SHB: variants seen among roughly 807,000 people sequenced by gnomAD.
SHB encodes SH2 domain-containing adapter protein B.
Under a neutral mutation model 52.3 loss-of-function variants are expected in SHB, and 20 were observed. The ratio of observed to expected loss-of-function variants is 0.38; its 90% CI spans 0.27 to 0.56. The LOEUF (loss-of-function observed/expected upper bound fraction) is 0.56. Among genes scored for constraint, SHB ranks in the 20% least tolerant of loss-of-function variants. The probability of loss-of-function intolerance (pLI) is 0.71; values close to 1 mark genes in which losing one functional copy is unlikely to be tolerated. For synonymous variants in SHB, 397 were observed against 316.5 expected (o/e 1.25, Z -2.70); for missense variants, 825 against 723.3 (o/e 1.14, Z -1.61).
chr9:38,016,275 G>T, intron 1 of SHB, 144 bp from the exon 2 acceptor site: 1 of 746,804 alleles, frequency 1.3e-6, no homozygotes, highest in Non-Finnish European at 2.2e-6. Context: ...GACTCAGGGA[G>T]CTCCACATCT....
chr9:38,026,959 G>C (rs991157694), intron 1 of SHB, among the ~76,000 whole-genome samples: 1 of 152,328 alleles, frequency 6.6e-6, no homozygotes, highest in East Asian at 1.9e-4. Flanking sequence ...GTCCCCAGGG[G>C]AGATGGGCAT....
chr9:38,068,245 G>A lies in SHB; in HGVS notation c.401C>T (p.Ser134Leu), dbSNP rs1163637708. 4 of 1,404,032 alleles carry A rather than the reference G, an allele frequency of 2.8e-6. No homozygotes were observed. Among genetic ancestry groups the A allele is most frequent in the Non-Finnish European group, 2.7e-6 (3 of 1,091,070 alleles). The allele number at this position is 1,404,032 out of a possible 1,614,324, so 87.0% of individuals were successfully genotyped here. Residue 134 changes from serine (S) to leucine (L), a missense_variant, in exon 1 of 6, where the codon TCG becomes TTG. Ser to Leu is a moderately radical substitution (Grantham distance 145). Coordinates refer to ENST00000377707, the MANE Select transcript of SHB (RefSeq NM_003028.3). ...VQRAFSASSASGAAGCCCASS... is the reference protein window; with the variant it reads ...VQRAFSASSALGAAGCCCASS... ...GGCGCAGCAACAGCCCGCGGCGCCCGACGCGGACGAGGCCGAGAAGGCGCG... is the reference window on the plus strand; with the variant it reads ...GGCGCAGCAACAGCCCGCGGCGCCCAACGCGGACGAGGCCGAGAAGGCGCG...
rs146205246 is a variant in SHB at position 37,943,537 on chromosome 9, G to A, written c.1346+5098C>T. On this transcript the variant is annotated intron_variant, in intron 5 of 5. Coordinates refer to ENST00000377707, the MANE Select transcript of SHB (RefSeq NM_003028.3). Reference sequence around the variant, plus strand: ...GCAAGATGCCAGGCAATTTGCCTTCGGGGATTAGAAAGCCAAAGGTCCCTC... The same window carrying A: ...GCAAGATGCCAGGCAATTTGCCTTCAGGGATTAGAAAGCCAAAGGTCCCTC... 1.5e-3 allele frequency among the ~76,000 whole-genome samples: 232 copies of A among 152,294 alleles called. 7 individuals are homozygous for A. The South Asian group carries it at 0.045, about 30-fold the overall frequency.
intron 3 of SHB, among the ~76,000 whole-genome samples, chr9:37,966,812 G>T (rs1156512279): frequency 6.6e-6 from 1 of 152,228 alleles, no homozygotes. Flanking sequence ...CTGAGCACGT[G>T]AAGATGAGTC....
chr9:37,970,924 A>G (rs1408340703), intron 3 of SHB, among the ~76,000 whole-genome samples: 3 of 152,098 alleles, frequency 2.0e-5, no homozygotes, highest in South Asian at 2.1e-4. Flanking sequence ...TCCCCGCCCA[A>G]GTTTCCCCAT....
intron 1 of SHB, among the ~76,000 whole-genome samples, chr9:38,064,940 C>T (rs185540382): frequency 2.0e-5 from 3 of 152,152 alleles, no homozygotes; most frequent in Non-Finnish European, 2.9e-5. Context: ...CTGGGCAACA[C>T]AGAGAGACCT....
At chr9:38,020,022 C>A (rs946323630) in intron 1 of SHB, among the ~76,000 whole-genome samples, 3 of 152,176 alleles carry the variant, frequency 2.0e-5, no homozygotes, top group African/African-American at 7.2e-5. Flanking sequence ...AAAAACAAAA[C>A]AGAAACCTGT....
chr9:37,955,133 A>T (rs1832613640), intron 4 of SHB, among the ~76,000 whole-genome samples: 1 of 152,248 alleles, frequency 6.6e-6, no homozygotes, highest in Non-Finnish European at 1.5e-5. Context: ...AATCTAATTT[A>T]CACATAGTTT....
At chr9:37,970,601 C>T (rs1385783917) in intron 3 of SHB, among the ~76,000 whole-genome samples, 2 of 152,176 alleles carry the variant, frequency 1.3e-5, no homozygotes, top group East Asian at 3.9e-4. Flanking sequence ...GCTAATTCAG[C>T]CATCTTCCCC....
chr9:38,014,267 A>AATT (rs1010423239), intron 2 of SHB, among the ~76,000 whole-genome samples: 5 of 152,174 alleles, frequency 3.3e-5, no homozygotes, highest in Admixed American at 1.3e-4. Context: ...TCGCTCCTGT[A>AATT]ACCACTGCTC....
At chr9:37,960,935 C>T (rs1832686971) in intron 3 of SHB, among the ~76,000 whole-genome samples, 1 of 152,208 alleles carries the variant, frequency 6.6e-6, no homozygotes, top group African/African-American at 2.4e-5. Context: ...GCTCACCCCA[C>T]CCTTGGGTCT....
At chr9:38,049,914 C>T (rs1337267383) in intron 1 of SHB, among the ~76,000 whole-genome samples, 1 of 151,944 alleles carries the variant, frequency 6.6e-6, no homozygotes, top group Non-Finnish European at 1.5e-5. Flanking sequence ...ATTCTCCTGC[C>T]TCAACCTACC....
At chr9:37,931,116 C>G (rs1832306652) in intron 5 of SHB, among the ~76,000 whole-genome samples, 2 of 152,114 alleles carry the variant, frequency 1.3e-5, no homozygotes, top group Non-Finnish European at 2.9e-5. Context: ...AAAATCAACT[C>G]AAAATGGATA....
At chr9:38,049,682 TG>T (rs1821711755) in intron 1 of SHB, among the ~76,000 whole-genome samples, 2 of 149,826 alleles carry the variant, frequency 1.3e-5, no homozygotes, top group African/African-American at 4.9e-5. Flanking sequence ...TCAAGTGACT[TG>T]CCCACAGTCA....
intron 3 of SHB, among the ~76,000 whole-genome samples, chr9:37,963,159 C>T (rs1032244220): frequency 9.2e-5 from 14 of 152,138 alleles, no homozygotes; most frequent in Non-Finnish European, 8.8e-5. Flanking sequence ...ACCAAGGGTG[C>T]GGGCAGTGGC....
intron 5 of SHB, among the ~76,000 whole-genome samples, chr9:37,941,877 A>T (rs967298780): frequency 6.6e-6 from 1 of 152,148 alleles, no homozygotes; most frequent in Non-Finnish European, 1.5e-5. Context: ...TGGACGGCAG[A>T]AGGAAGTGGA....
Position 38,067,947 on chromosome 9 carries a change from C to A in SHB, c.699G>T (p.Gly233=). The A allele has an allele frequency of 6.5e-7, 1 of 1,543,678 alleles. No homozygotes were observed. Among genetic ancestry groups the A allele is most frequent in the Non-Finnish European group, 8.7e-7 (1 of 1,155,300 alleles). The change falls in exon 1 of 6, where the codon GGG becomes GGT. Residue 233 remains glycine (G), a synonymous_variant. Coordinates refer to ENST00000377707, the MANE Select transcript of SHB (RefSeq NM_003028.3). ...ACCTTACCTTGTCCTTCTTGCCGGC[C>A]CCGCTCTCCTCCGCGGCTGAGGCGG... ...KCAASAAEES[G]AGKKDKVTIA... is the part of the protein sequence containing the mutation.
intron 2 of SHB, among the ~76,000 whole-genome samples, chr9:38,003,978 C>T (rs914095224): frequency 6.6e-6 from 1 of 152,090 alleles, no homozygotes; most frequent in Non-Finnish European, 1.5e-5. Flanking sequence ...CAGGAGCTGG[C>T]CCGGGGGATC....
rs1273993508 is a variant in SHB, at chr9:37,966,380, A to T, written c.1054+8242T>A. Reference sequence around the variant, plus strand: ...AGCAGATGAAACAAAGCTATTAAACATTGGTGTTTTTTTCCTCTCCTTTTT... The same window carrying T: ...AGCAGATGAAACAAAGCTATTAAACTTTGGTGTTTTTTTCCTCTCCTTTTT... On this transcript the variant is annotated intron_variant, in intron 3 of 5. Coordinates refer to ENST00000377707, the MANE Select transcript of SHB (RefSeq NM_003028.3). Among the ~76,000 whole-genome samples the T allele has an allele frequency of 2.0e-5, 3 of 152,316 alleles. No individual in the cohort carries two copies. In the East Asian group the frequency reaches 5.8e-4, roughly 29 times the overall value.
Sources: gnomAD v4.1 joint callset for allele counts (sites outside exome capture counted in the v4.1 genomes callset) on GRCh38, gnomAD v4.1.1 for gene constraint, MANE v1.5 for transcripts, NCBI Gene and HGNC (gene_info 2026-07-23, HGNC 2026-07-21) for gene names.